C7: variants seen among roughly 807,000 people sequenced by gnomAD.
The protein encoded by C7 is complement component C7.
C7 carries 83 observed loss-of-function variants against 104.8 expected under a neutral mutation model. That is an observed-to-expected ratio of 0.79 (90% CI 0.66 to 0.95). The LOEUF is 0.95. Among genes scored for constraint, C7 ranks in the 40% least tolerant of loss-of-function variants. The pLI is 0.00. For missense variants in C7, 1,070 were observed against 1,011.2 expected (o/e 1.06, Z -0.79); for synonymous variants, 415 against 360.6 (o/e 1.15, Z -1.71).
chr5:40,965,574 C>CT (rs1005024819), intron 14 of C7, among the ~76,000 whole-genome samples: 1 of 151,232 alleles, frequency 6.6e-6, no homozygotes, highest in Non-Finnish European at 1.5e-5. Context: ...ATCAAGCTTG[C>CT]TTTTGTCCTT....
intron 12 of C7, among the ~76,000 whole-genome samples, chr5:40,961,635 C>T (rs1740424711): frequency 6.6e-6 from 1 of 152,152 alleles, no homozygotes; most frequent in African/African-American, 2.4e-5. Context: ...ATCTGCCTGC[C>T]CTGTCCTCCC....
chr5:40,922,036 TC>T, intron 1 of C7, among the ~76,000 whole-genome samples: 1 of 143,702 alleles, frequency 7.0e-6, no homozygotes, highest in East Asian at 2.3e-4. Flanking sequence ...AGACTCTGTC[TC>T]AAAAACAAAC....
chr5:40,951,069 T>C (rs1392167636), intron 9 of C7, among the ~76,000 whole-genome samples: 1 of 152,094 alleles, frequency 6.6e-6, no homozygotes, highest in Non-Finnish European at 1.5e-5. Context: ...TTGGCAGGAT[T>C]AAAAAACAAG....
intron 6 of C7, among the ~76,000 whole-genome samples, chr5:40,939,876 T>C (rs981356449): frequency 6.6e-6 from 1 of 152,242 alleles, no homozygotes; most frequent in African/African-American, 2.4e-5. Flanking sequence ...CAGCAGGGCT[T>C]GGTCTTTAGA....
rs151171697 is a variant in C7 at position 40,915,850 on chromosome 5, G to A, written c.6+6234G>A. Among the ~76,000 whole-genome samples, 1,196 of 152,216 alleles carry A rather than the reference G, an allele frequency of 7.9e-3. 11 individuals carry two copies. Among genetic ancestry groups the A allele is most frequent in the African/African-American group, 0.025 (1,035 of 41,534 alleles). ...AAAAAAGATACCTAATAAGAGAATG[G>A]GTTATCTAAGAAGGATAGTGGAAAG... On this transcript the variant is annotated intron_variant, in intron 1 of 17. Coordinates refer to ENST00000313164, the MANE Select transcript of C7 (RefSeq NM_000587.4).
intron 15 of C7, among the ~76,000 whole-genome samples, chr5:40,973,755 T>C (rs931349929): frequency 6.6e-6 from 1 of 152,240 alleles, no homozygotes; most frequent in Non-Finnish European, 1.5e-5. Context: ...AAGAGAACAA[T>C]ATACAGTTGA....
rs1739685374 is a variant in C7 at position 40,931,617 on chromosome 5, C to A, written c.138+478C>A. On this transcript the variant is annotated intron_variant, in intron 3 of 17. Coordinates refer to ENST00000313164, the MANE Select transcript of C7 (RefSeq NM_000587.4). The stretch of plus-strand genomic sequence containing the variant: ...TGCAAAATGTCTTAAAGTTTAATTG[C>A]TAAGTAACACAAATACAATGTTGGA... Among the ~76,000 whole-genome samples the A allele has an allele frequency of 2.0e-5, 3 of 152,112 alleles. 1 individual carries two copies. The South Asian group carries it at 6.2e-4, about 32-fold the overall frequency.
Position 40,979,577 on chromosome 5 carries a change from AGGG to A in C7, c.2166-146_2166-144del, listed in dbSNP as rs966839148. 2.6e-5 allele frequency: 15 copies of A among 584,546 alleles called. No homozygotes were observed. In the African/African-American group the frequency reaches 2.9e-4, roughly 11 times the overall value. 36.2% of individuals were successfully genotyped at this position (584,546 alleles called of 1,614,324 possible). ...CTAAGTGAGTTGGACCTAGGAATGA[AGGG>A]GATTTGAGTTTCCACCTTTTTTTTT... On this transcript the variant is annotated intron_variant, in intron 16 of 17. Coordinates refer to ENST00000313164, the MANE Select transcript of C7 (RefSeq NM_000587.4).
At position 40,941,311 on chromosome 5, in the gene C7, G is replaced by A. The variant is rs150621837; in HGVS notation, c.567+3621G>A. On this transcript the variant is annotated intron_variant, in intron 6 of 17. Coordinates refer to ENST00000313164, the MANE Select transcript of C7 (RefSeq NM_000587.4). ...ACTCCTGTCCTCAAGTGATCCACCC[G>A]CCTCGGCCTCCCAAAGTGCTGGGAT... Among the ~76,000 whole-genome samples, 9 of 152,064 alleles carry A rather than the reference G, an allele frequency of 5.9e-5. No individual in the cohort carries two copies. The South Asian group carries it at 1.5e-3, about 25-fold the overall frequency.
intron 1 of C7, among the ~76,000 whole-genome samples, chr5:40,923,766 G>A (rs1028818203): frequency 4.6e-5 from 7 of 151,410 alleles, no homozygotes; most frequent in Admixed American, 2.0e-4. Flanking sequence ...AAAAGTATGC[G>A]AGAGGGGGAA....
rs1739917961 is a variant in C7, at chr5:40,940,722, G to A, written c.567+3032G>A. 2.0e-5 allele frequency among the ~76,000 whole-genome samples: 3 copies of A among 152,228 alleles called. No homozygotes were observed. In the South Asian group the frequency reaches 6.2e-4, roughly 32 times the overall value. On this transcript the variant is annotated intron_variant, in intron 6 of 17. Transcript: ENST00000313164. Reference sequence around the variant, plus strand: ...CATATAAGAACGCTTTGTATACTAAGCACTGTTCCAAGAGCTTTACATGGA... The same window carrying A: ...CATATAAGAACGCTTTGTATACTAAACACTGTTCCAAGAGCTTTACATGGA...
rs13361041 is a variant in C7 at position 40,915,520 on chromosome 5, C to T, written c.6+5904C>T. 5.0e-3 allele frequency among the ~76,000 whole-genome samples: 762 copies of T among 152,178 alleles called. 7 individuals are homozygous for T. Among genetic ancestry groups the T allele is most frequent in the African/African-American group, 0.018 (733 of 41,506 alleles). On this transcript the variant is annotated intron_variant, in intron 1 of 17. Coordinates refer to ENST00000313164, the MANE Select transcript of C7 (RefSeq NM_000587.4). Reference sequence around the variant, plus strand: ...AGTAAAGCTGTGAGATAGGCTTTCCCAGGGACAAGACAAAATGAGCTGACA... The same window carrying T: ...AGTAAAGCTGTGAGATAGGCTTTCCTAGGGACAAGACAAAATGAGCTGACA...
chr5:40,976,623 T>C, intron 15 of C7, 127 bp from the exon 16 acceptor site: 1 of 562,344 alleles, frequency 1.8e-6, no homozygotes, highest in Non-Finnish European at 3.2e-6. Flanking sequence ...ATTATTACTA[T>C]TGTTACTGTG....
chr5:40,959,411 T>G, intron 11 of C7, 38 bp from the exon 12 acceptor site: 2 of 1,582,174 alleles, frequency 1.3e-6, no homozygotes, highest in East Asian at 4.5e-5. Context: ...CAAGCCCTCT[T>G]TAAGAACTTA....
intron 6 of C7, among the ~76,000 whole-genome samples, chr5:40,940,763 A>C (rs1421841346): frequency 1.3e-5 from 2 of 152,158 alleles, no homozygotes; most frequent in East Asian, 3.8e-4. Context: ...TTTCCTTATA[A>C]TAACCTAAGG....
At chr5:40,949,794 G>C in intron 8 of C7, 110 bp from the exon 9 acceptor site, 4 of 697,648 alleles carry the variant, frequency 5.7e-6, no homozygotes, top group South Asian at 4.9e-5. Context: ...TGTCACTCTT[G>C]ATTAGATGGC....
chr5:40,922,606 C>A (rs984259140), intron 1 of C7, among the ~76,000 whole-genome samples: 2 of 149,688 alleles, frequency 1.3e-5, no homozygotes, highest in African/African-American at 4.9e-5. Flanking sequence ...GAGGCTGAGG[C>A]AGGAGAATTG....
chr5:40,974,654 A>G (rs1323443667), intron 15 of C7, among the ~76,000 whole-genome samples: 1 of 152,052 alleles, frequency 6.6e-6, no homozygotes, highest in African/African-American at 2.4e-5. Flanking sequence ...TCCTGACCTC[A>G]TGATCCGCCC....
intron 2 of C7, among the ~76,000 whole-genome samples, chr5:40,930,414 C>T (rs1470289358): frequency 6.6e-6 from 1 of 151,584 alleles, no homozygotes; most frequent in African/African-American, 2.4e-5. Flanking sequence ...CCATGATGGC[C>T]CTGTTGGTCT....
Sources: allele counts gnomAD v4.1 joint callset (sites outside exome capture counted in the v4.1 genomes callset), GRCh38; gene constraint gnomAD v4.1.1; transcripts MANE v1.5; gene names NCBI Gene and HGNC (gene_info 2026-07-23, HGNC 2026-07-21).